The following GXYLT2 variants were observed in gnomAD, a reference collection of about 807,000 sequenced individuals.
GXYLT2 encodes glycosyltransferase 8 domain containing 4.
A neutral mutation model predicts 45.8 loss-of-function variants in GXYLT2; 53 were observed. The ratio of observed to expected loss-of-function variants is 1.16; its 90% CI spans 0.93 to 1.46. GXYLT2 has a LOEUF of 1.46. GXYLT2 is among the 40% of genes most tolerant of loss of function. The pLI, the probability that GXYLT2 is intolerant of heterozygous loss-of-function variation, is 0.00. For missense variants in GXYLT2, 551 were observed against 544.4 expected (o/e 1.01, Z -0.12); for synonymous variants, 219 against 214.2 (o/e 1.02, Z -0.19).
At chr3:72,933,826 C>T (rs1710125383) in intron 3 of GXYLT2, among the ~76,000 whole-genome samples, 1 of 151,952 alleles carries the variant, frequency 6.6e-6, no homozygotes, top group South Asian at 2.1e-4. Flanking sequence ...CACTTGAGCT[C>T]CAGGAGATCG....
At chr3:72,898,210 T>G (rs1709331116) in intron 1 of GXYLT2, among the ~76,000 whole-genome samples, 1 of 152,214 alleles carries the variant, frequency 6.6e-6, no homozygotes, top group Non-Finnish European at 1.5e-5. Flanking sequence ...GGCCTGAGGC[T>G]TAGGAAGCTG....
intron 4 of GXYLT2, among the ~76,000 whole-genome samples, chr3:72,956,788 G>A (rs913794223): frequency 2.6e-5 from 4 of 151,930 alleles, no homozygotes; most frequent in African/African-American, 9.7e-5. Flanking sequence ...TGCCTGGGAG[G>A]CTGAGGCACG....
intron 1 of GXYLT2, among the ~76,000 whole-genome samples, chr3:72,895,370 C>T (rs1047526471): frequency 2.6e-5 from 4 of 152,086 alleles, no homozygotes; most frequent in African/African-American, 9.7e-5. Context: ...TAATGAGTTC[C>T]CCTTTTTTTC....
chr3:72,905,001 GTTGCAGTGAGCTGAAA>G, intron 1 of GXYLT2, among the ~76,000 whole-genome samples: 1 of 144,316 alleles, frequency 6.9e-6, no homozygotes, highest in Non-Finnish European at 1.5e-5. Flanking sequence ...GTGAGCTGAG[GTTGCAGTGAGCTGAAA>G]TTGCACCACT....
intron 1 of GXYLT2, among the ~76,000 whole-genome samples, chr3:72,896,505 A>G (rs970346121): frequency 6.6e-6 from 1 of 152,156 alleles, no homozygotes; most frequent in Non-Finnish European, 1.5e-5. Context: ...CTCAGCTTCT[A>G]TATATAATAA....
intron 3 of GXYLT2, among the ~76,000 whole-genome samples, chr3:72,953,986 G>T (rs778345141): frequency 6.6e-6 from 1 of 152,168 alleles, no homozygotes; most frequent in Non-Finnish European, 1.5e-5. Flanking sequence ...AGCTACTCGG[G>T]AGGCTGAGGT....
intron 5 of GXYLT2, among the ~76,000 whole-genome samples, chr3:72,964,317 C>T (rs1559751858): frequency 1.3e-5 from 2 of 151,088 alleles, no homozygotes; most frequent in Non-Finnish European, 3.0e-5. Context: ...AGGTTTCTCT[C>T]TTTTTTTTTC....
Position 72,917,883 on chromosome 3 carries a change from G to A in GXYLT2, c.469-4321G>A, listed in dbSNP as rs571689296. Among the ~76,000 whole-genome samples the A allele has an allele frequency of 2.6e-5, 4 of 152,146 alleles. No individual in the cohort carries two copies. In the South Asian group the frequency reaches 8.3e-4, roughly 32 times the overall value. ...CTAATGCTCAGGGAGAACAGTTTTG[G>A]TGTATATATATAATACTTATTTCCA... is the stretch of plus-strand genomic sequence containing the variant. On this transcript the variant is annotated intron_variant, in intron 2 of 6. Coordinates refer to ENST00000389617, the MANE Select transcript of GXYLT2 (RefSeq NM_001080393.2).
At chr3:72,902,954 GTGAGCTGGGATCACACCAT>G (rs1429009625) in intron 1 of GXYLT2, among the ~76,000 whole-genome samples, 3 of 152,180 alleles carry the variant, frequency 2.0e-5, no homozygotes, top group Admixed American at 6.5e-5. Context: ...TAGAGTTGCA[GTGAGCTGGGATCACACCAT>G]TGCACTCCAG....
chr3:72,893,638 G>C (rs1377034432), intron 1 of GXYLT2, among the ~76,000 whole-genome samples: 1 of 152,130 alleles, frequency 6.6e-6, no homozygotes, highest in African/African-American at 2.4e-5. Context: ...AATACTTGTT[G>C]AATGAACTAA....
At chr3:72,956,666 G>A (rs942483862) in intron 4 of GXYLT2, among the ~76,000 whole-genome samples, 12 of 151,996 alleles carry the variant, frequency 7.9e-5, no homozygotes, top group African/African-American at 2.9e-4. Flanking sequence ...AGGGAGGTGG[G>A]TCACTCGAGG....
chr3:72,956,344 G>A (rs1398023981), intron 4 of GXYLT2, among the ~76,000 whole-genome samples: 1 of 152,128 alleles, frequency 6.6e-6, no homozygotes, highest in Non-Finnish European at 1.5e-5. Flanking sequence ...AATGGGATAT[G>A]GAAGAAGAAT....
At chr3:72,974,708 A>G (rs373482989) in intron 6 of GXYLT2, among the ~76,000 whole-genome samples, 1 of 152,120 alleles carries the variant, frequency 6.6e-6, no homozygotes, top group Non-Finnish European at 1.5e-5. Context: ...TCGGCCTCTC[A>G]AAGTGCTGGG....
rs569410839 is a variant in GXYLT2 at position 72,928,806 on chromosome 3, A to C, written c.600+6471A>C. 3.3e-5 allele frequency among the ~76,000 whole-genome samples: 5 copies of C among 152,272 alleles called. No homozygotes were observed. The East Asian group carries it at 7.7e-4, about 23-fold the overall frequency. On this transcript the variant is annotated intron_variant, in intron 3 of 6. Transcript: ENST00000389617. ...ACTCCAAAAAAAAACCCCATAAAAA[A>C]ATAAATTAAAATGCTCTATTAGAAA...
At chr3:72,946,865 C>G (rs1710421802) in intron 3 of GXYLT2, among the ~76,000 whole-genome samples, 1 of 152,068 alleles carries the variant, frequency 6.6e-6, no homozygotes, top group South Asian at 2.1e-4. Context: ...CATCTGTTGC[C>G]TAGGCCTCTG....
At chr3:72,902,303 C>T (rs950455492) in intron 1 of GXYLT2, among the ~76,000 whole-genome samples, 1 of 152,166 alleles carries the variant, frequency 6.6e-6, no homozygotes, top group African/African-American at 2.4e-5. Context: ...ATCCCACCAG[C>T]AATGTTTGAG....
intron 3 of GXYLT2, among the ~76,000 whole-genome samples, chr3:72,946,193 G>C (rs6786519): frequency 0.63 from 94,093 of 149,442 alleles, 30,672 homozygotes; most frequent in South Asian, 0.75. Context: ...GGGAGGGTCA[G>C]CTGAACCCAG....
chr3:72,910,048 A>G (rs2107082691), intron 2 of GXYLT2, among the ~76,000 whole-genome samples: 1 of 152,298 alleles, frequency 6.6e-6, no homozygotes, highest in Non-Finnish European at 1.5e-5. Context: ...ATGCCTTGTA[A>G]AGGATCTGAA....
At chr3:72,973,372 T>G (rs1023080843) in intron 6 of GXYLT2, among the ~76,000 whole-genome samples, 2 of 151,954 alleles carry the variant, frequency 1.3e-5, no homozygotes, top group African/African-American at 4.8e-5. Context: ...AATGGCCAGA[T>G]AAGAGGAGAG....
Sources: gnomAD v4.1 joint callset for allele counts (sites outside exome capture counted in the v4.1 genomes callset) on GRCh38, gnomAD v4.1.1 for gene constraint, MANE v1.5 for transcripts, NCBI Gene and HGNC (gene_info 2026-07-23, HGNC 2026-07-21) for gene names.